The following RBFOX3 variants were observed in gnomAD, a reference collection of about 807,000 sequenced individuals.
The protein encoded by RBFOX3 is RNA binding protein fox-1 homolog 3.
RBFOX3 carries 17 observed loss-of-function variants against 48.7 expected under a neutral mutation model. The ratio of observed to expected loss-of-function variants is 0.35; its 90% CI spans 0.24 to 0.52. The LOEUF is 0.52. Among genes scored for constraint, RBFOX3 ranks in the 20% least tolerant of loss-of-function variants. RBFOX3 has a pLI of 0.94. For synonymous variants in RBFOX3, 212 were observed against 209.5 expected (o/e 1.01, Z -0.10); for missense variants, 382 against 497.5 (o/e 0.77, Z 2.21).
Position 79,604,152 on chromosome 17 carries a change from G to T in RBFOX3, c.-320+6674C>A, listed in dbSNP as rs1018803305. ...TTCTTGTAAGAATCAGCTGATGGGA[G>T]TGGGGAGCTGCCAAGATGTACAACC... On this transcript the variant is annotated intron_variant, in intron 1 of 14. Coordinates refer to ENST00000693108, the MANE Select transcript of RBFOX3 (RefSeq NM_001350451.2). Among the ~76,000 whole-genome samples, 524 of 152,380 alleles carry T rather than the reference G, an allele frequency of 3.4e-3. 5 individuals carry two copies. Among genetic ancestry groups the T allele is most frequent in the African/African-American group, 0.011 (471 of 41,594 alleles).
chr17:79,594,384 G>A (rs2093510356), intron 1 of RBFOX3, among the ~76,000 whole-genome samples: 2 of 152,172 alleles, frequency 1.3e-5, no homozygotes, highest in Admixed American at 1.3e-4. Context: ...GAGGCACCCA[G>A]GCCATAGCAA....
intron 3 of RBFOX3, among the ~76,000 whole-genome samples, chr17:79,301,221 T>G (rs1479317206): frequency 2.0e-5 from 3 of 152,220 alleles, no homozygotes; most frequent in African/African-American, 7.2e-5. Context: ...GTCCCAGCCC[T>G]TTATGTCAAG....
chr17:79,311,227 G>A lies in RBFOX3; in HGVS notation c.-174-3403C>T, dbSNP rs1210863032. 1.3e-5 allele frequency among the ~76,000 whole-genome samples: 2 copies of A among 152,116 alleles called. No individual in the cohort carries two copies. Among genetic ancestry groups the A allele is most frequent in the South Asian group, 2.1e-4 (1 of 4,818 alleles). On this transcript the variant is annotated intron_variant, in intron 2 of 14. Coordinates refer to ENST00000693108, the MANE Select transcript of RBFOX3 (RefSeq NM_001350451.2). The surrounding 1 kb of genome is among the most constrained non-coding windows in gnomAD (Gnocchi z 4.2). ...GCGGGTAGATCACCTGAGGTCAGGA[G>A]TTCAACACCAGCCTGGCCAACATGT...
the RBFOX3 span, among the ~76,000 whole-genome samples, chr17:79,656,508 G>C: frequency 1.3e-5 from 2 of 151,876 alleles, no homozygotes; most frequent in African/African-American, 4.8e-5. Flanking sequence ...CAGCTATTCG[G>C]GAGGCTGAGA....
the RBFOX3 span, among the ~76,000 whole-genome samples, chr17:79,625,895 G>A: frequency 6.6e-6 from 1 of 152,244 alleles, no homozygotes; most frequent in East Asian, 1.9e-4. Context: ...GCTAGGGCAT[G>A]GGAGGCAGCG....
Position 79,106,740 on chromosome 17 carries a change from C to G in RBFOX3, c.271G>C (p.Asp91His). ...TTGGGCTGCTGCTTCTCTGTAGGGT[C>G]GGAGGGGTGGAGCGGCTGGCTGTCC... is the stretch of plus-strand genomic sequence containing the variant. ...QTDSQPLHPS[D>H]PTEKQQPKRL... Residue 91 changes from aspartate to histidine, a missense_variant, in exon 6 of 15, where the codon GAC becomes CAC. Around this residue, in one of 3 missense-constraint regions of RBFOX3, gnomAD observed 118 missense variants for 132.1 expected, o/e 0.89. Transcript: ENST00000693108. 6.6e-7 allele frequency: 1 copy of G among 1,520,236 alleles called. No homozygotes were observed. The highest frequency in any genetic ancestry group is 8.8e-7 in the Non-Finnish European group (1 of 1,134,810). 94.2% of individuals were successfully genotyped at this position (1,520,236 alleles called of 1,614,324 possible).
chr17:79,491,799 G>C (rs1485299754), intron 1 of RBFOX3, among the ~76,000 whole-genome samples: 2 of 152,134 alleles, frequency 1.3e-5, no homozygotes, highest in African/African-American at 4.8e-5. Context: ...ATGGCACAAG[G>C]CCGGGCATGG....
At position 79,443,630 on chromosome 17, in the gene RBFOX3, G is replaced by A. The variant is rs1383158361; in HGVS notation, c.-175+38824C>T. On this transcript the variant is annotated intron_variant, in intron 2 of 14. Coordinates refer to ENST00000693108, the MANE Select transcript of RBFOX3 (RefSeq NM_001350451.2). The surrounding 1 kb of genome is among the most constrained non-coding windows in gnomAD (Gnocchi z 4.4). ...ACTCCTGACCTCAGGTGATCCACCC[G>A]CCTCGGCCTCCCAAAGTGCTGGGAT... Among the ~76,000 whole-genome samples the A allele has an allele frequency of 7.9e-5, 12 of 152,106 alleles. No homozygotes were observed. The highest frequency in any genetic ancestry group is 5.9e-5 in the Non-Finnish European group (4 of 68,030).
At chr17:79,466,244 G>A (rs575057655) in intron 2 of RBFOX3, among the ~76,000 whole-genome samples, 62 of 152,314 alleles carry the variant, frequency 4.1e-4, no homozygotes, top group African/African-American at 1.3e-3. Context: ...GTGAGGCCCC[G>A]CACCCTCTCC....
Position 79,480,848 on chromosome 17 carries a change from T to C in RBFOX3, c.-175+1606A>G, listed in dbSNP as rs1397258436. On this transcript the variant is annotated intron_variant, in intron 2 of 14. Transcript: ENST00000693108. This position sits in a 1 kb window ranked among gnomAD's most constrained non-coding sequence, Gnocchi z 4.8. ...TTTATCTTCACAGCGTTATGGCGCC[T>C]GACATACATTTATTCGCCATGTCCC... Among the ~76,000 whole-genome samples the C allele has an allele frequency of 6.6e-6, 1 of 152,208 alleles. No individual in the cohort carries two copies. Among genetic ancestry groups the C allele is most frequent in the Non-Finnish European group, 1.5e-5 (1 of 68,032 alleles).
intron 4 of RBFOX3, among the ~76,000 whole-genome samples, chr17:79,116,847 G>T (rs1222552304): frequency 6.6e-6 from 1 of 152,274 alleles, no homozygotes; most frequent in Admixed American, 6.5e-5. Context: ...GCAATACAGG[G>T]CAGTGGTTGT....
rs1423706209 is a variant in RBFOX3 at position 79,204,133 on chromosome 17, GC to G, written c.-34+31632del. ...TAACACTTGTCCCCCACTGAGAGCT[GC>G]CCCTACTTCCCCTACTGCCATGACA... On this transcript the variant is annotated intron_variant, in intron 4 of 14. Coordinates refer to ENST00000693108, the MANE Select transcript of RBFOX3 (RefSeq NM_001350451.2). This position sits in a 1 kb window ranked among gnomAD's most constrained non-coding sequence, Gnocchi z 4.5. 6.6e-6 allele frequency among the ~76,000 whole-genome samples: 1 copy of G among 152,196 alleles called. No individual in the cohort carries two copies. The highest frequency in any genetic ancestry group is 2.4e-5 in the African/African-American group (1 of 41,458).
intron 2 of RBFOX3, among the ~76,000 whole-genome samples, chr17:79,434,800 A>G (rs1233671179): frequency 2.0e-5 from 3 of 152,150 alleles, no homozygotes; most frequent in Non-Finnish European, 2.9e-5. Flanking sequence ...CAGGTTCATT[A>G]ATGGGGAGAG....
rs142965945 is a variant in RBFOX3 at position 79,186,823 on chromosome 17, C to T, written c.-34+48943G>A. Among the ~76,000 whole-genome samples, 714 of 152,346 alleles carry T rather than the reference C, an allele frequency of 4.7e-3. 3 individuals carry two copies. The highest frequency in any genetic ancestry group is 0.031 in the Middle Eastern group (9 of 294). On this transcript the variant is annotated intron_variant, in intron 4 of 14. Transcript: ENST00000693108. ...GCAAGGGAGGCACCTCAGAAGGTTC[C>T]GATGGTTCCAAGGCTTTGGAGATCT...
rs994816215 is a variant in RBFOX3 at position 79,212,968 on chromosome 17, C to T, written c.-34+22798G>A. ...CTCCCAGGTTCAAGAGATTCTCCTG[C>T]CTCAGCCTCCTGAGTAGCTGGGATT... is the stretch of plus-strand genomic sequence containing the variant. On this transcript the variant is annotated intron_variant, in intron 4 of 14. Transcript: ENST00000693108. The surrounding 1 kb of genome is among the most constrained non-coding windows in gnomAD (Gnocchi z 4.7). 7.4e-6 allele frequency among the ~76,000 whole-genome samples: 1 copy of T among 135,796 alleles called. No homozygotes were observed. The highest frequency in any genetic ancestry group is 2.6e-5 in the African/African-American group (1 of 37,976). The allele number at this position is 135,796 out of a possible 152,430, so 89.1% of individuals were successfully genotyped here. A position where few individuals can be genotyped will look rare whatever the true frequency, so the allele number is the denominator to read the frequency against.
intron 3 of RBFOX3, among the ~76,000 whole-genome samples, chr17:79,306,599 C>T (rs1050824198): frequency 4.6e-5 from 7 of 152,204 alleles, no homozygotes; most frequent in East Asian, 1.9e-4. Context: ...GGGGCCATCC[C>T]GAGGCCACTT....
rs2078064625 is a variant in RBFOX3 at position 79,477,475 on chromosome 17, G to A, written c.-175+4979C>T. 6.6e-6 allele frequency among the ~76,000 whole-genome samples: 1 copy of A among 150,708 alleles called. No individual in the cohort carries two copies. Reference sequence around the variant, plus strand: ...GGAGGCTGAGGCAGGAGAATGGCGTGAACCCGGGAGGCGGAGTTTGCAGTG... The same window carrying A: ...GGAGGCTGAGGCAGGAGAATGGCGTAAACCCGGGAGGCGGAGTTTGCAGTG... On this transcript the variant is annotated intron_variant, in intron 2 of 14. Transcript: ENST00000693108. The surrounding 1 kb of genome is among the most constrained non-coding windows in gnomAD (Gnocchi z 4.8).
At chr17:79,142,676 C>T (rs1396166703) in intron 4 of RBFOX3, among the ~76,000 whole-genome samples, 3 of 152,094 alleles carry the variant, frequency 2.0e-5, no homozygotes, top group South Asian at 2.1e-4. Context: ...TGGGGGGTGC[C>T]GGGGGTGCAC....
chr17:79,579,963 T>G, intron 1 of RBFOX3, among the ~76,000 whole-genome samples: 1 of 145,960 alleles, frequency 6.9e-6, no homozygotes. Context: ...GGTTGGGGAG[T>G]CACTGGGTCG....
Sources: gnomAD v4.1 joint callset for allele counts (sites outside exome capture counted in the v4.1 genomes callset) on GRCh38, gnomAD v4.1.1 for gene constraint, gnomAD v4.1.1 regional missense constraint, Gnocchi (gnomAD v3.1) non-coding constraint, MANE v1.5 for transcripts, NCBI Gene and HGNC (gene_info 2026-07-23, HGNC 2026-07-21) for gene names.